The following TENM4 variants were observed in gnomAD, a reference collection of about 807,000 sequenced individuals.
The protein encoded by TENM4 is teneurin transmembrane protein 4, also known as teneurin-4.
TENM4 carries 82 observed loss-of-function variants against 243.3 expected under a neutral mutation model. The ratio of observed to expected loss-of-function variants is 0.34; its 90% CI spans 0.28 to 0.40. The LOEUF (loss-of-function observed/expected upper bound fraction) is 0.40, where lower values mean the gene tolerates loss of function less well. Ranked by LOEUF, TENM4 falls within the 10% of genes least tolerant of loss-of-function variation. TENM4 has a pLI of 1.00. For synonymous variants in TENM4, 1,412 were observed against 1,456.3 expected (o/e 0.97, Z 0.69); for missense variants, 3,138 against 3,673.3 (o/e 0.85, Z 3.77).
intron 3 of TENM4, among the ~76,000 whole-genome samples, chr11:79,179,091 G>A (rs1174470956): frequency 1.3e-5 from 2 of 152,196 alleles, no homozygotes; most frequent in Non-Finnish European, 2.9e-5. Context: ...ATGTTCTAAT[G>A]TTAGCAACAA....
At chr11:79,425,468 G>C (rs1272560976) in intron 1 of TENM4, among the ~76,000 whole-genome samples, 1 of 151,426 alleles carries the variant, frequency 6.6e-6, no homozygotes, top group East Asian at 2.0e-4. Context: ...CTCTTGGTTA[G>C]CTACTAAGAG....
At chr11:78,947,697 C>A (rs1391307721) in intron 6 of TENM4, among the ~76,000 whole-genome samples, 1 of 152,176 alleles carries the variant, frequency 6.6e-6, no homozygotes, top group African/African-American at 2.4e-5. Flanking sequence ...GGTGCCAAGG[C>A]AGTTTAACAA....
intron 1 of TENM4, among the ~76,000 whole-genome samples, chr11:79,397,340 G>A (rs1363065420): frequency 1.3e-5 from 2 of 152,076 alleles, no homozygotes; most frequent in Non-Finnish European, 2.9e-5. Context: ...CTGAAGCCCA[G>A]GGGACTGAGT....
intron 1 of TENM4, among the ~76,000 whole-genome samples, chr11:79,354,945 G>A (rs1857472084): frequency 6.6e-6 from 1 of 152,224 alleles, no homozygotes; most frequent in Non-Finnish European, 1.5e-5. Context: ...ATTTGATGTT[G>A]TGAACAAATG....
Position 78,669,790 on chromosome 11 carries a change from G to A in TENM4, c.6555C>T (p.Pro2185=). The change falls in exon 32 of 34, where the codon CCC becomes CCT. Residue 2185 remains proline (P), a synonymous_variant. Coordinates refer to ENST00000278550, the MANE Select transcript of TENM4 (RefSeq NM_001098816.3). This position sits in a 1 kb window ranked among gnomAD's most constrained non-coding sequence, Gnocchi z 6.4. The part of the protein sequence containing the change: ...RVVKKELKVG[P]YANTTRYSYE... ...AGGAGTAGCGAGTGGTATTGGCGTA[G>A]GGTCCTACCTTCAGCTCCTTCTTCA... 1.9e-6 allele frequency: 3 copies of A among 1,613,936 alleles called. No individual in the cohort carries two copies. The highest frequency in any genetic ancestry group is 1.1e-5 in the South Asian group (1 of 91,072).
chr11:79,400,802 C>T (rs1479830401), intron 1 of TENM4, among the ~76,000 whole-genome samples: 2 of 152,214 alleles, frequency 1.3e-5, no homozygotes, highest in East Asian at 1.9e-4. Context: ...TGTTCCCTTG[C>T]TCTCCTCCTC....
intron 6 of TENM4, among the ~76,000 whole-genome samples, chr11:78,909,616 C>T (rs1945253): frequency 0.5 from 76,757 of 152,198 alleles, 23,469 homozygotes; most frequent in East Asian, 0.77. Context: ...GCATACGCCA[C>T]AGCCCCAGGG....
chr11:79,085,376 C>CA (rs36035068), intron 4 of TENM4, among the ~76,000 whole-genome samples: 3,401 of 79,026 alleles, frequency 0.043, 112 homozygotes, highest in African/African-American at 0.12. Context: ...GACTCTGTCT[C>CA]AAAAAAAAAA....
At chr11:78,742,143 G>A (rs1382493126) in intron 19 of TENM4, among the ~76,000 whole-genome samples, 1 of 152,042 alleles carries the variant, frequency 6.6e-6, no homozygotes, top group African/African-American at 2.4e-5. Context: ...GCATTATATA[G>A]CCATCTCACA....
chr11:79,239,287 C>T (rs1162236174), intron 2 of TENM4, among the ~76,000 whole-genome samples: 2 of 152,180 alleles, frequency 1.3e-5, no homozygotes, highest in African/African-American at 4.8e-5. Context: ...AAGCAATATG[C>T]TTTTTATCAA....
rs531372373 is a variant in TENM4, at chr11:79,412,109, C to A, written c.-321+28400G>T. On this transcript the variant is annotated intron_variant, in intron 1 of 33. Transcript: ENST00000278550. ...GCCTGGCATGGACTGGGTGCCACCA[C>A]CAGGACAGCTCAGGAGCCCTCCCGA... is the stretch of plus-strand genomic sequence containing the variant. Among the ~76,000 whole-genome samples, 27 of 152,316 alleles carry A rather than the reference C, an allele frequency of 1.8e-4. 1 individual carries two copies. In the East Asian group the frequency reaches 5.2e-3, roughly 29 times the overall value.
At chr11:78,740,790 C>T (rs553989031) in intron 19 of TENM4, among the ~76,000 whole-genome samples, 71 of 152,158 alleles carry the variant, frequency 4.7e-4, no homozygotes, top group Non-Finnish European at 8.8e-4. Flanking sequence ...TGGCTGCTGC[C>T]CCTAATACAC....
rs1859723499 is a variant in TENM4, at chr11:79,048,759, CT to C, written c.493+15978del. On this transcript the variant is annotated intron_variant, in intron 6 of 33. Transcript: ENST00000278550. ...CAGGTAAAGCTTTCTCCCTAGCCTA[CT>C]TTCTCTATCAAACGGGGATCCTGAC... Among the ~76,000 whole-genome samples the C allele has an allele frequency of 2.0e-5, 3 of 152,142 alleles. No homozygotes were observed. In the South Asian group the frequency reaches 6.2e-4, roughly 32 times the overall value.
intron 29 of TENM4, among the ~76,000 whole-genome samples, chr11:78,683,733 ATCT>A (rs1235294250): frequency 6.9e-6 from 1 of 145,420 alleles, no homozygotes; most frequent in Admixed American, 6.8e-5. Context: ...GAAATCACCC[ATCT>A]TCTGCGTCGC....
At chr11:78,692,072 C>A (rs1425975136) in intron 28 of TENM4, among the ~76,000 whole-genome samples, 1 of 152,174 alleles carries the variant, frequency 6.6e-6, no homozygotes, top group African/African-American at 2.4e-5. Context: ...CTGGAAGGGG[C>A]AGTTCTCTGA....
chr11:78,895,949 C>T (rs1565428293), intron 7 of TENM4, among the ~76,000 whole-genome samples: 1 of 152,172 alleles, frequency 6.6e-6, no homozygotes, highest in African/African-American at 2.4e-5. Context: ...TAGACTGGTT[C>T]CCTCTAAGCA....
intron 3 of TENM4, among the ~76,000 whole-genome samples, chr11:79,153,976 A>G (rs1187526935): frequency 6.6e-6 from 1 of 152,136 alleles, no homozygotes; most frequent in East Asian, 1.9e-4. Context: ...GCCTTACCAG[A>G]TTGCTTTCAG....
intron 3 of TENM4, among the ~76,000 whole-genome samples, chr11:79,212,207 C>A (rs1209736214): frequency 6.6e-6 from 1 of 152,152 alleles, no homozygotes; most frequent in Non-Finnish European, 1.5e-5. Flanking sequence ...AGCAGATGGT[C>A]AATGCTTATA....
At position 79,259,139 on chromosome 11, in the gene TENM4, G is replaced by A. The variant is rs535693607; in HGVS notation, c.-265+38349C>T. ...AGGACAGAAGTAGGTGTGCCATAATGAGAATATTGCTTGGCCAAAAGGAGG... is the reference window on the plus strand; with the variant it reads ...AGGACAGAAGTAGGTGTGCCATAATAAGAATATTGCTTGGCCAAAAGGAGG... On this transcript the variant is annotated intron_variant, in intron 2 of 33. Transcript: ENST00000278550. 5.4e-4 allele frequency among the ~76,000 whole-genome samples: 82 copies of A among 152,318 alleles called. 1 individual carries two copies. Among genetic ancestry groups the A allele is most frequent in the African/African-American group, 1.9e-3 (81 of 41,566 alleles).
Sources: gnomAD v4.1 joint callset for allele counts (sites outside exome capture counted in the v4.1 genomes callset) on GRCh38, gnomAD v4.1.1 for gene constraint, Gnocchi (gnomAD v3.1) non-coding constraint, MANE v1.5 for transcripts, NCBI Gene and HGNC (gene_info 2026-07-23, HGNC 2026-07-21) for gene names.